AMZ2: variants seen among roughly 807,000 people sequenced by gnomAD.
The protein encoded by AMZ2 is archaelysin family metallopeptidase 2, also known as archaemetzincin-2.
A neutral mutation model predicts 36.7 loss-of-function variants in AMZ2; 26 were observed. The observed-to-expected ratio is 0.71, with a 90% CI of 0.52 to 0.98. The LOEUF (loss-of-function observed/expected upper bound fraction) is 0.98, where lower values mean the gene tolerates loss of function less well. Ranked by LOEUF, AMZ2 falls within the 50% of genes least tolerant of loss-of-function variation. The probability of loss-of-function intolerance (pLI) is 0.00; values close to 1 mark genes in which losing one functional copy is unlikely to be tolerated. For synonymous variants in AMZ2, 144 were observed against 149.1 expected, an observed-to-expected ratio of 0.97 and a Z score of 0.25; for missense variants, 394 against 430.5, an observed-to-expected ratio of 0.92 and a Z score of 0.75.
chr17:68,247,543 C>A, upstream of AMZ2: 1 of 832,116 alleles, frequency 1.2e-6, no homozygotes, highest in Non-Finnish European at 1.4e-6. Flanking sequence ...CACACTTGCG[C>A]TTCTGGGTTC....
At chr17:68,210,898 G>A (rs1265645399) in intron 1 of AMZ2, among the ~76,000 whole-genome samples, 1 of 137,050 alleles carries the variant, frequency 7.3e-6, no homozygotes, top group Non-Finnish European at 1.5e-5. Flanking sequence ...GCACTGAGCT[G>A]TGTTTACACC....
intron 1 of AMZ2, among the ~76,000 whole-genome samples, chr17:68,239,675 G>A (rs2144638717): frequency 6.6e-6 from 1 of 152,116 alleles, no homozygotes; most frequent in South Asian, 2.1e-4. Context: ...TCCTACTCTG[G>A]AAAAAAATGG....
chr17:68,226,737 T>C lies in AMZ2; in HGVS notation c.-67+20499T>C, dbSNP rs1307796145. ...ACAGTGGTCTTGGGACTGTCTTCAA[T>C]AGCAAGGATCATGTGACCAAGTCCC... On this transcript the variant is annotated intron_variant, in intron 1 of 7. Transcript: ENST00000674770. Among the ~76,000 whole-genome samples, 7 of 152,268 alleles carry C rather than the reference T, an allele frequency of 4.6e-5. No individual in the cohort carries two copies. The South Asian group carries it at 1.2e-3, about 27-fold the overall frequency.
rs193220905 is a variant in AMZ2 at position 68,228,994 on chromosome 17, C to G, written c.-66-19646C>G. Among the ~76,000 whole-genome samples the G allele has an allele frequency of 4.6e-3, 702 of 152,368 alleles. 3 individuals are homozygous for G. Among genetic ancestry groups the G allele is most frequent in the Admixed American group, 8.3e-3 (127 of 15,308 alleles). ...CCTCTGCATGCACGCCCTTCTGCAG[C>G]CCTCTGGCCTCCGTGGCCAGGTGGC... On this transcript the variant is annotated intron_variant, in intron 1 of 7. Coordinates refer to the AMZ2 transcript ENST00000674770.
chr17:68,218,047 C>T (rs1294663360), intron 1 of AMZ2, among the ~76,000 whole-genome samples: 9 of 152,090 alleles, frequency 5.9e-5, no homozygotes, highest in South Asian at 2.1e-4. Context: ...CTCCTGACCT[C>T]GTGATCTGCC....
intron 1 of AMZ2, among the ~76,000 whole-genome samples, chr17:68,211,824 GTATATGTATATATGTACATGTATA>G (rs2144487534): frequency 6.9e-6 from 1 of 143,982 alleles, no homozygotes; most frequent in African/African-American, 2.5e-5. Flanking sequence ...GTATGTGTAT[GTATATGTATATATGTACATGTATA>G]TATATGTATA....
chr17:68,226,567 C>G (rs2073521392), intron 1 of AMZ2, among the ~76,000 whole-genome samples: 1 of 152,220 alleles, frequency 6.6e-6, no homozygotes, highest in Non-Finnish European at 1.5e-5. Context: ...GCCAATGGAC[C>G]TATTCTGGTC....
At chr17:68,222,540 TAATGA>T (rs2073394689) in intron 1 of AMZ2, among the ~76,000 whole-genome samples, 1 of 152,200 alleles carries the variant, frequency 6.6e-6, no homozygotes, top group Non-Finnish European at 1.5e-5. Flanking sequence ...ATGAAATATA[TAATGA>T]AATAATTTTA....
intron 1 of AMZ2, among the ~76,000 whole-genome samples, chr17:68,208,340 G>A (rs1555724906): frequency 6.6e-6 from 1 of 152,186 alleles, no homozygotes; most frequent in Non-Finnish European, 1.5e-5. Context: ...TACACCAATC[G>A]GCACTCTGTA....
intron 1 of AMZ2, among the ~76,000 whole-genome samples, chr17:68,222,340 A>G (rs1430045983): frequency 2.6e-5 from 4 of 152,236 alleles, no homozygotes; most frequent in African/African-American, 9.6e-5. Flanking sequence ...ACAGAATGTA[A>G]GCTACACGCA....
intron 1 of AMZ2, among the ~76,000 whole-genome samples, chr17:68,220,658 G>A (rs1555728241): frequency 1.3e-5 from 2 of 152,042 alleles, no homozygotes; most frequent in African/African-American, 4.8e-5. Flanking sequence ...AGAAGACACA[G>A]GTGCATAAGT....
intron 4 of AMZ2, among the ~76,000 whole-genome samples, chr17:68,253,660 T>G (rs1417063455): frequency 1.3e-5 from 2 of 152,174 alleles, no homozygotes; most frequent in African/African-American, 4.8e-5. Flanking sequence ...CAGTCAGTGC[T>G]GCGTGAGGGA....
At chr17:68,210,969 A>T (rs1206569576) in intron 1 of AMZ2, among the ~76,000 whole-genome samples, 4 of 109,590 alleles carry the variant, frequency 3.6e-5, no homozygotes, top group African/African-American at 1.1e-4. Context: ...GGGGGGGGGG[A>T]GGTGGTTAGA....
intron 1 of AMZ2, among the ~76,000 whole-genome samples, chr17:68,218,417 G>C (rs1384333587): frequency 1.3e-4 from 19 of 151,892 alleles, no homozygotes; most frequent in Admixed American, 6.6e-5. Flanking sequence ...TCGAACTCCT[G>C]GGCTCAAGCG....
At chr17:68,207,850 G>A (rs1438373911) in intron 1 of AMZ2, among the ~76,000 whole-genome samples, 2 of 152,182 alleles carry the variant, frequency 1.3e-5, no homozygotes, top group African/African-American at 2.4e-5. Context: ...TGCGGGGGAG[G>A]TGTGGAGGGA....
At chr17:68,228,250 T>C (rs141894991) in intron 1 of AMZ2, among the ~76,000 whole-genome samples, 3,090 of 152,042 alleles carry the variant, frequency 0.02, 96 homozygotes, top group African/African-American at 0.069. Flanking sequence ...CTGATGCCAC[T>C]CCACCTACGC....
chr17:68,256,119 C>T (rs1487776317), intron 6 of AMZ2, among the ~76,000 whole-genome samples: 1 of 152,134 alleles, frequency 6.6e-6, no homozygotes, highest in African/African-American at 2.4e-5. Flanking sequence ...GCTTCTCTTC[C>T]ATTTAGGGCA....
intron 1 of AMZ2, among the ~76,000 whole-genome samples, chr17:68,238,552 A>AGAGG (rs2144634171): frequency 6.6e-6 from 1 of 150,728 alleles, no homozygotes; most frequent in South Asian, 2.1e-4. Flanking sequence ...ATATATAGAG[A>AGAGG]GAAAGAGTGC....
chr17:68,238,207 C>G (rs574669582), intron 1 of AMZ2, among the ~76,000 whole-genome samples: 2 of 152,100 alleles, frequency 1.3e-5, no homozygotes, highest in Non-Finnish European at 1.5e-5. Flanking sequence ...TATTTTCTTT[C>G]TTTCTTCTTC....
Sources: gnomAD v4.1 joint callset for allele counts (sites outside exome capture counted in the v4.1 genomes callset) on GRCh38, gnomAD v4.1.1 for gene constraint, MANE v1.5 for transcripts, NCBI Gene and HGNC (gene_info 2026-07-23, HGNC 2026-07-21) for gene names.